The following TMEM62 variants were observed in gnomAD, a reference collection of about 807,000 sequenced individuals.
The protein encoded by TMEM62 is transmembrane protein 62.
TMEM62 carries 41 observed loss-of-function variants against 70.4 expected under a neutral mutation model. That is an observed-to-expected ratio of 0.58 (90% CI 0.45 to 0.76). The LOEUF (loss-of-function observed/expected upper bound fraction) is 0.76, where lower values mean the gene tolerates loss of function less well. Among genes scored for constraint, TMEM62 ranks in the 30% least tolerant of loss-of-function variants. The pLI, the probability that TMEM62 is intolerant of heterozygous loss-of-function variation, is 0.00. For synonymous variants in TMEM62, 268 were observed against 291.0 expected (o/e 0.92, Z 0.80); for missense variants, 688 against 788.5 (o/e 0.87, Z 1.53).
intron 11 of TMEM62, among the ~76,000 whole-genome samples, chr15:43,176,714 A>G (rs1292782611): frequency 6.6e-6 from 1 of 152,034 alleles, no homozygotes; most frequent in Non-Finnish European, 1.5e-5. Flanking sequence ...CCAAAAGTAG[A>G]TAAAACCACA....
intron 10 of TMEM62, among the ~76,000 whole-genome samples, chr15:43,163,297 GATC>G (rs1260133069): frequency 6.6e-6 from 1 of 152,054 alleles, no homozygotes; most frequent in Non-Finnish European, 1.5e-5. Context: ...TAAAATGTGA[GATC>G]ATTATTATTT....
chr15:43,184,980 TGCAA>T lies in TMEM62; in HGVS notation c.*395_*398del. Reference sequence around the variant, plus strand: ...CTTGGAATTCAGCAGCTGTCAAAGGTGCAATTTCAGGGGCAGGGAACCTTTGAGG... The same window carrying T: ...CTTGGAATTCAGCAGCTGTCAAAGGTTTTCAGGGGCAGGGAACCTTTGAGG... On this transcript the variant is annotated 3_prime_UTR_variant, in exon 14 of 14. Transcript: ENST00000260403. 1 of 253,512 alleles carries T rather than the reference TGCAA, an allele frequency of 3.9e-6. No homozygotes were observed. The highest frequency in any genetic ancestry group is 7.7e-6 in the Non-Finnish European group (1 of 130,400). 15.7% of individuals were successfully genotyped at this position (253,512 alleles called of 1,614,324 possible).
intron 10 of TMEM62, among the ~76,000 whole-genome samples, chr15:43,164,236 G>A (rs189132179): frequency 4.0e-5 from 6 of 151,876 alleles, no homozygotes; most frequent in Admixed American, 6.6e-5. Flanking sequence ...TCTCTTAAAG[G>A]CTCCATCTCT....
intron 13 of TMEM62, 145 bp downstream of exon 13, chr15:43,181,444 T>G: frequency 1.6e-6 from 1 of 641,580 alleles, no homozygotes; most frequent in Admixed American, 2.5e-5. Flanking sequence ...TAATAAAAGC[T>G]TCATTTGCTT....
At chr15:43,146,363 A>G (rs2036658015) in intron 4 of TMEM62, 130 bp from the exon 5 acceptor site, 3 of 831,808 alleles carry the variant, frequency 3.6e-6, no homozygotes, top group Non-Finnish European at 5.5e-6. Context: ...TTGTGGATCT[A>G]GTTTAGTATA....
At chr15:43,176,827 G>T (rs1366232351) in intron 11 of TMEM62, among the ~76,000 whole-genome samples, 1 of 152,102 alleles carries the variant, frequency 6.6e-6, no homozygotes, top group Non-Finnish European at 1.5e-5. Context: ...ATGGAACAAA[G>T]CTGGACGGAG....
At chr15:43,140,508 C>T (rs2035856171) in intron 4 of TMEM62, among the ~76,000 whole-genome samples, 1 of 152,174 alleles carries the variant, frequency 6.6e-6, no homozygotes, top group Non-Finnish European at 1.5e-5. Flanking sequence ...AACTCTCCCT[C>T]TCCCATCTCC....
At chr15:43,169,730 A>G (rs2141978432) in intron 11 of TMEM62, 53 bp downstream of exon 11, 1 of 1,453,340 alleles carries the variant, frequency 6.9e-7, no homozygotes, top group Non-Finnish European at 9.6e-7. Flanking sequence ...AAAAAACCAA[A>G]CTCCGTAAAA....
At chr15:43,151,334 A>AG (rs1047567768) in intron 7 of TMEM62, among the ~76,000 whole-genome samples, 1 of 151,840 alleles carries the variant, frequency 6.6e-6, no homozygotes, top group African/African-American at 2.4e-5. Context: ...AAAAAAAAAA[A>AG]AAAGAAAGAA....
rs2037810716 is a variant in TMEM62 at position 43,154,577 on chromosome 15, T to C, written c.1023-95T>C. ...TTGTACAATATGATGGTTCTGCCTA[T>C]ACGTGTATATCTGCAAGTTACAATA... On this transcript the variant is annotated intron_variant, in intron 8 of 13. Transcript: ENST00000260403. 2.8e-6 allele frequency: 3 copies of C among 1,088,602 alleles called. No homozygotes were observed. The African/African-American group carries it at 4.8e-5, about 17-fold the overall frequency. The allele number at this position is 1,088,602 out of a possible 1,614,324, so 67.4% of individuals were successfully genotyped here.
At chr15:43,171,731 C>A (rs1156431844) in intron 11 of TMEM62, among the ~76,000 whole-genome samples, 2 of 150,916 alleles carry the variant, frequency 1.3e-5, no homozygotes, top group African/African-American at 2.4e-5. Flanking sequence ...GGGTTCATGC[C>A]ATTCTCCTGC....
intron 12 of TMEM62, chr15:43,180,692 CTG>C (rs779334930): frequency 4.6e-5 from 7 of 152,314 alleles, no homozygotes; most frequent in Admixed American, 3.3e-4. Context: ...AAAGTAATGA[CTG>C]TGGGCCTTCA....
At chr15:43,177,576 G>C (rs890172217) in intron 11 of TMEM62, among the ~76,000 whole-genome samples, 19 of 152,002 alleles carry the variant, frequency 1.2e-4, no homozygotes, top group African/African-American at 4.6e-4. Context: ...GCACTATTCA[G>C]AATAGCAAAG....
chr15:43,134,133 T>G, intron 1 of TMEM62, 124 bp from the exon 2 acceptor site: 1 of 1,445,778 alleles, frequency 6.9e-7, no homozygotes, highest in Non-Finnish European at 9.3e-7. Flanking sequence ...TGTCCTTACC[T>G]GGGGGGTTCG....
chr15:43,162,433 C>CTTTTTTTTTTTTTTTTTTTTTTTTTTTT (rs1169921008), intron 10 of TMEM62, among the ~76,000 whole-genome samples: 3 of 137,036 alleles, frequency 2.2e-5, no homozygotes, highest in African/African-American at 9.2e-5. Flanking sequence ...GCCCCTGGCC[C>CTTTTTTTTTTTTTTTTTTTTTTTTTTTT]TTTTTTTTTT....
At chr15:43,172,503 A>G (rs1261980936) in intron 11 of TMEM62, among the ~76,000 whole-genome samples, 1 of 152,212 alleles carries the variant, frequency 6.6e-6, no homozygotes, top group Non-Finnish European at 1.5e-5. Flanking sequence ...AATCAACTAT[A>G]TTAAATTAGT....
At chr15:43,142,756 C>T (rs1373611510) in intron 4 of TMEM62, among the ~76,000 whole-genome samples, 1 of 151,496 alleles carries the variant, frequency 6.6e-6, no homozygotes, top group East Asian at 2.0e-4. Flanking sequence ...GCAATCTCCA[C>T]CTTCCAGGCT....
At chr15:43,144,188 G>A (rs768975529) in intron 4 of TMEM62, among the ~76,000 whole-genome samples, 6 of 152,196 alleles carry the variant, frequency 3.9e-5, no homozygotes, top group Non-Finnish European at 7.3e-5. Context: ...TGCCAAGGAG[G>A]ATATTTTAGG....
intron 9 of TMEM62, among the ~76,000 whole-genome samples, chr15:43,156,299 G>C (rs753226286): frequency 1.8e-4 from 28 of 152,248 alleles, no homozygotes; most frequent in Admixed American, 7.8e-4. Flanking sequence ...TCCTTTGTTG[G>C]GGGTAGTTTT....
Sources: gnomAD v4.1 joint callset for allele counts (sites outside exome capture counted in the v4.1 genomes callset) on GRCh38, gnomAD v4.1.1 for gene constraint, MANE v1.5 for transcripts, NCBI Gene and HGNC (gene_info 2026-07-23, HGNC 2026-07-21) for gene names.